Variants in IQSEC1 observed in about 807,000 individuals in gnomAD.
IQSEC1 encodes IQ motif and SEC7 domain-containing protein 1.
Under a neutral mutation model 91.0 loss-of-function variants are expected in IQSEC1, and 31 were observed. The observed-to-expected ratio is 0.34, with a 90% CI of 0.26 to 0.46. The LOEUF is 0.46. Ranked by LOEUF, IQSEC1 falls within the 20% of genes least tolerant of loss-of-function variation. IQSEC1 has a pLI of 1.00. For missense variants in IQSEC1, 1,388 were observed against 1,575.6 expected, an observed-to-expected ratio of 0.88 and a Z score of 2.02; for synonymous variants, 699 against 662.6, an observed-to-expected ratio of 1.05 and a Z score of -0.84.
chr3:13,046,368 G>A (rs958344513), intron 1 of IQSEC1, among the ~76,000 whole-genome samples: 2 of 152,198 alleles, frequency 1.3e-5, no homozygotes, highest in African/African-American at 2.4e-5. Flanking sequence ...AGGAGCGCAC[G>A]CGGCGGGGCT....
intron 1 of IQSEC1, among the ~76,000 whole-genome samples, chr3:13,059,181 C>T (rs573887229): frequency 6.6e-6 from 1 of 152,262 alleles, no homozygotes; most frequent in African/African-American, 2.4e-5. Flanking sequence ...CCCTGGGTGT[C>T]CCATAGGGCT....
chr3:13,098,121 C>T (rs1346249010), intron 2 of IQSEC1, among the ~76,000 whole-genome samples: 1 of 152,214 alleles, frequency 6.6e-6, no homozygotes, highest in African/African-American at 2.4e-5. Flanking sequence ...GTCTTCAGGT[C>T]CCCAGCAGAC....
intron 2 of IQSEC1, among the ~76,000 whole-genome samples, chr3:13,131,777 G>C (rs532774596): frequency 3.9e-5 from 6 of 152,110 alleles, no homozygotes; most frequent in Non-Finnish European, 7.4e-5. Flanking sequence ...GTGCACTGCA[G>C]CCAGCCAAGG....
In IQSEC1 at chr3:13,256,803, C is replaced by T. The variant is rs906236545; in HGVS notation, c.272+25908G>A. The stretch of plus-strand genomic sequence containing the variant: ...AAACACCATGGAGAGACGCAAAGCA[C>T]GAGAAGGGGAGAGGGACCCTGGAGG... On this transcript the variant is annotated intron_variant, in intron 1 of 15. Transcript: ENST00000648114. Among the ~76,000 whole-genome samples, 6 of 152,242 alleles carry T rather than the reference C, an allele frequency of 3.9e-5. No homozygotes were observed. The South Asian group carries it at 8.3e-4, about 21-fold the overall frequency.
At chr3:13,090,008 G>T (rs971458603) in intron 2 of IQSEC1, among the ~76,000 whole-genome samples, 52 of 152,300 alleles carry the variant, frequency 3.4e-4, no homozygotes, top group African/African-American at 1.2e-3. Flanking sequence ...GAGGTCAGGA[G>T]ATCCAGACCA....
intron 1 of IQSEC1, among the ~76,000 whole-genome samples, chr3:12,952,572 C>T (rs1181686215): frequency 1.3e-5 from 2 of 152,168 alleles, no homozygotes; most frequent in Non-Finnish European, 2.9e-5. Context: ...ACAACCCTGA[C>T]CACATTCTCC....
intron 1 of IQSEC1, among the ~76,000 whole-genome samples, chr3:12,993,518 G>C (rs1392350077): frequency 1.3e-5 from 2 of 152,132 alleles, no homozygotes; most frequent in African/African-American, 4.8e-5. Flanking sequence ...CGGGGGGTGG[G>C]GAATGCTTTG....
At chr3:13,216,577 G>A (rs1473584511) in intron 1 of IQSEC1, among the ~76,000 whole-genome samples, 1 of 152,216 alleles carries the variant, frequency 6.6e-6, no homozygotes, top group Non-Finnish European at 1.5e-5. Context: ...GCTGGGGACA[G>A]GGGGACCGCA....
intron 1 of IQSEC1, among the ~76,000 whole-genome samples, chr3:12,991,691 C>A (rs1358326044): frequency 6.6e-6 from 1 of 152,236 alleles, no homozygotes; most frequent in East Asian, 1.9e-4. Context: ...TGGCTGTATT[C>A]TTGGCTGGGG....
At chr3:12,951,734 T>C (rs1699562698) in intron 1 of IQSEC1, among the ~76,000 whole-genome samples, 1 of 152,196 alleles carries the variant, frequency 6.6e-6, no homozygotes, top group African/African-American at 2.4e-5. Flanking sequence ...CCAGCAATGC[T>C]GGTCGCCTCC....
chr3:13,183,905 T>G (rs1274014432), intron 1 of IQSEC1, among the ~76,000 whole-genome samples: 2 of 152,188 alleles, frequency 1.3e-5, no homozygotes, highest in African/African-American at 4.8e-5. Flanking sequence ...GTTTGAACAC[T>G]GAGATGACTT....
intron 2 of IQSEC1, among the ~76,000 whole-genome samples, chr3:13,155,723 A>G (rs1191496229): frequency 6.6e-6 from 1 of 152,220 alleles, no homozygotes; most frequent in African/African-American, 2.4e-5. Flanking sequence ...TCCTCAGCAA[A>G]TATCAGCAAC....
chr3:13,255,997 T>C (rs529656150), intron 1 of IQSEC1, among the ~76,000 whole-genome samples: 1 of 152,210 alleles, frequency 6.6e-6, no homozygotes, highest in East Asian at 1.9e-4. Context: ...GATCCTACAA[T>C]GCACAGGGCA....
chr3:12,929,724 G>GTT (rs1341991457), intron 3 of IQSEC1, among the ~76,000 whole-genome samples: 2 of 152,106 alleles, frequency 1.3e-5, no homozygotes, highest in Admixed American at 6.5e-5. Context: ...ATTCCACCCT[G>GTT]TAAGGACCCA....
In IQSEC1 at chr3:13,282,024, C is replaced by A. The variant is rs1576322150; in HGVS notation, c.272+687G>T. On this transcript the variant is annotated intron_variant, in intron 1 of 15. Coordinates refer to the IQSEC1 transcript ENST00000648114. This position sits in a 1 kb window ranked among gnomAD's most constrained non-coding sequence, Gnocchi z 6.4. ...AAACGGGAACCCGGCTGGCGGGCTG[C>A]GAGCCGGTAGGGACGCTGGGGTCCA... Among the ~76,000 whole-genome samples, 1 of 152,292 alleles carries A rather than the reference C, an allele frequency of 6.6e-6. No homozygotes were observed. The highest frequency in any genetic ancestry group is 2.1e-4 in the South Asian group (1 of 4,824).
chr3:13,090,299 A>G (rs940936432), intron 2 of IQSEC1, among the ~76,000 whole-genome samples: 1 of 152,140 alleles, frequency 6.6e-6, no homozygotes, highest in Non-Finnish European at 1.5e-5. Context: ...CCCTACTGTT[A>G]GCACGCTAGC....
intron 1 of IQSEC1, among the ~76,000 whole-genome samples, chr3:12,972,462 G>A (rs557105032): frequency 2.2e-4 from 33 of 152,278 alleles, no homozygotes; most frequent in South Asian, 1.2e-3. Flanking sequence ...CAGGTTCCTC[G>A]TCTTTCAAGC....
intron 1 of IQSEC1, among the ~76,000 whole-genome samples, chr3:13,067,077 T>A (rs1284434161): frequency 6.6e-6 from 1 of 152,102 alleles, no homozygotes; most frequent in East Asian, 1.9e-4. Context: ...CAGGGTCACA[T>A]AGTGAGGCAG....
chr3:13,024,418 C>CATCT (rs1703531273), intron 1 of IQSEC1, among the ~76,000 whole-genome samples: 1 of 143,606 alleles, frequency 7.0e-6, no homozygotes, highest in African/African-American at 2.6e-5. Context: ...TCCATCCATC[C>CATCT]ACCCATTTAT....
Sources: allele counts gnomAD v4.1 joint callset (sites outside exome capture counted in the v4.1 genomes callset), GRCh38; gene constraint gnomAD v4.1.1; non-coding constraint Gnocchi (gnomAD v3.1); transcripts MANE v1.5; gene names NCBI Gene and HGNC (gene_info 2026-07-23, HGNC 2026-07-21).